Variants in RSU1 observed in about 807,000 individuals in gnomAD.
RSU1 encodes rsu-1.
Under a neutral mutation model 31.1 loss-of-function variants are expected in RSU1, and 26 were observed. That is an observed-to-expected ratio of 0.84 (90% CI 0.61 to 1.16). The LOEUF is 1.16. Ranked by LOEUF, RSU1 falls within the 50% of genes most tolerant of loss-of-function variation. The pLI, the probability that RSU1 is intolerant of heterozygous loss-of-function variation, is 0.00. For synonymous variants in RSU1, 164 were observed against 136.3 expected (o/e 1.20, Z -1.41); for missense variants, 320 against 339.1 (o/e 0.94, Z 0.44).
intron 7 of RSU1, among the ~76,000 whole-genome samples, chr10:16,726,633 T>C (rs938692905): frequency 6.6e-6 from 1 of 152,178 alleles, no homozygotes. Context: ...GGAATTTGAC[T>C]GAAATGTTTT....
intron 8 of RSU1, among the ~76,000 whole-genome samples, chr10:16,629,734 C>A (rs1442960799): frequency 1.3e-5 from 2 of 152,090 alleles, no homozygotes; most frequent in East Asian, 1.9e-4. Flanking sequence ...TCTGTCATTA[C>A]CTCTGTGTAA....
chr10:16,745,562 G>A (rs1203205654), intron 7 of RSU1, among the ~76,000 whole-genome samples: 3 of 152,112 alleles, frequency 2.0e-5, no homozygotes, highest in African/African-American at 7.2e-5. Context: ...GCTTGTGTAT[G>A]AGACCCCCAT....
At chr10:16,648,682 T>A (rs1834623706) in intron 8 of RSU1, among the ~76,000 whole-genome samples, 1 of 152,128 alleles carries the variant, frequency 6.6e-6, no homozygotes, top group East Asian at 1.9e-4. Flanking sequence ...AAAGCACTGC[T>A]TTCCAGAAAA....
At chr10:16,667,260 G>C (rs958300433) in intron 8 of RSU1, among the ~76,000 whole-genome samples, 3 of 152,082 alleles carry the variant, frequency 2.0e-5, no homozygotes, top group African/African-American at 7.2e-5. Flanking sequence ...TACCCAAAGG[G>C]GTAGGGAATA....
At chr10:16,725,196 G>C (rs997216285) in intron 7 of RSU1, among the ~76,000 whole-genome samples, 1 of 152,130 alleles carries the variant, frequency 6.6e-6, no homozygotes, top group South Asian at 2.1e-4. Flanking sequence ...GTAGAGATGG[G>C]AGAAGAGAGA....
At chr10:16,803,810 C>T (rs1053474085) in intron 2 of RSU1, among the ~76,000 whole-genome samples, 31 of 152,208 alleles carry the variant, frequency 2.0e-4, no homozygotes. Flanking sequence ...AAAGACCTAA[C>T]ATCGTTCACA....
intron 7 of RSU1, among the ~76,000 whole-genome samples, chr10:16,720,353 T>C (rs1836228295): frequency 1.3e-5 from 2 of 152,158 alleles, no homozygotes; most frequent in Admixed American, 6.5e-5. Flanking sequence ...AATATACATA[T>C]TGAACAGAAA....
chr10:16,596,739 T>C (rs1182845709), intron 8 of RSU1, among the ~76,000 whole-genome samples: 9 of 152,222 alleles, frequency 5.9e-5, no homozygotes, highest in Non-Finnish European at 1.3e-4. Flanking sequence ...TTATTATTTT[T>C]TCAGATGGAG....
intron 8 of RSU1, among the ~76,000 whole-genome samples, chr10:16,632,301 CT>C (rs924404918): frequency 6.6e-6 from 1 of 152,124 alleles, no homozygotes; most frequent in Non-Finnish European, 1.5e-5. Context: ...AAAGAAATTG[CT>C]TTCTTAAACT....
At chr10:16,787,937 G>A (rs185155486) in intron 2 of RSU1, among the ~76,000 whole-genome samples, 36 of 152,266 alleles carry the variant, frequency 2.4e-4, no homozygotes, top group African/African-American at 8.7e-4. Flanking sequence ...GCATTTTTGT[G>A]GCTTTTAAAC....
chr10:16,810,371 G>A (rs1458264269), intron 2 of RSU1, among the ~76,000 whole-genome samples: 1 of 152,142 alleles, frequency 6.6e-6, no homozygotes, highest in African/African-American at 2.4e-5. Context: ...AATTATTAGT[G>A]GAAAAATTAC....
At chr10:16,638,544 G>A (rs1030248928) in intron 8 of RSU1, among the ~76,000 whole-genome samples, 2 of 152,298 alleles carry the variant, frequency 1.3e-5, no homozygotes, top group Admixed American at 1.3e-4. Context: ...AAGGACAGGG[G>A]CCCCAAGGTG....
At position 16,757,194 on chromosome 10, in the gene RSU1, C is replaced by A. The variant is rs1332899383; in HGVS notation, c.282-2205G>T. 2.6e-5 allele frequency among the ~76,000 whole-genome samples: 4 copies of A among 151,692 alleles called. No individual in the cohort carries two copies. In the South Asian group the frequency reaches 8.3e-4, roughly 32 times the overall value. On this transcript the variant is annotated intron_variant, in intron 4 of 8. Coordinates refer to ENST00000345264, the MANE Select transcript of RSU1 (RefSeq NM_012425.4). Reference sequence around the variant, plus strand: ...ACTATCTTTTATCCTTTCTTCAAGCCCCTTATTTTTCTTAACGCAGTTCCC... The same window carrying A: ...ACTATCTTTTATCCTTTCTTCAAGCACCTTATTTTTCTTAACGCAGTTCCC...
chr10:16,776,404 A>G (rs1006508087), intron 3 of RSU1, among the ~76,000 whole-genome samples: 26 of 152,118 alleles, frequency 1.7e-4, no homozygotes, highest in African/African-American at 5.6e-4. Context: ...AATTATTGAA[A>G]CCACCAAAGA....
At chr10:16,599,818 G>C (rs1833685297) in intron 8 of RSU1, among the ~76,000 whole-genome samples, 1 of 152,178 alleles carries the variant, frequency 6.6e-6, no homozygotes. Flanking sequence ...TGCACTGCCA[G>C]CCTGTGCCTT....
chr10:16,754,630 T>G (rs537766943), intron 5 of RSU1, among the ~76,000 whole-genome samples: 2 of 151,828 alleles, frequency 1.3e-5, no homozygotes, highest in East Asian at 1.9e-4. Flanking sequence ...TTTAGGTATA[T>G]AATCTCTCTC....
At chr10:16,724,407 G>C (rs923953967) in intron 7 of RSU1, among the ~76,000 whole-genome samples, 1 of 152,214 alleles carries the variant, frequency 6.6e-6, no homozygotes, top group African/African-American at 2.4e-5. Context: ...TGAATACAGG[G>C]AAACTGGACC....
At position 16,783,364 on chromosome 10, in the gene RSU1, C is replaced by CTTTTTTTT. The variant is rs57270890; in HGVS notation, c.110-1288_110-1281dup. 2.2e-4 allele frequency among the ~76,000 whole-genome samples: 29 copies of CTTTTTTTT among 132,060 alleles called. 2 individuals carry two copies. Among genetic ancestry groups the CTTTTTTTT allele is most frequent in the African/African-American group, 5.8e-4 (18 of 30,998 alleles). The allele number at this position is 132,060 out of a possible 152,430, so 86.6% of individuals were successfully genotyped here. A position where few individuals can be genotyped will look rare whatever the true frequency, so the allele number is the denominator to read the frequency against. On this transcript the variant is annotated intron_variant, in intron 2 of 8. Coordinates refer to ENST00000345264, the MANE Select transcript of RSU1 (RefSeq NM_012425.4). ...TCACTTCTACTGACCACAACTTTTGCTTTTTTTTTTGAGACTGAGTCTCAC... is the reference window on the plus strand; with the variant it reads ...TCACTTCTACTGACCACAACTTTTGCTTTTTTTTTTTTTTTTTTGAGACTGAGTCTCAC...
intron 2 of RSU1, among the ~76,000 whole-genome samples, chr10:16,814,083 G>A (rs944542668): frequency 6.6e-6 from 1 of 152,200 alleles, no homozygotes; most frequent in African/African-American, 2.4e-5. Context: ...ACAAGTTTAA[G>A]CTGTGTTTAA....
Sources: allele counts gnomAD v4.1 joint callset (sites outside exome capture counted in the v4.1 genomes callset), GRCh38; gene constraint gnomAD v4.1.1; transcripts MANE v1.5; gene names NCBI Gene and HGNC (gene_info 2026-07-23, HGNC 2026-07-21).